Variants in ZNF385B observed in about 807,000 individuals in gnomAD.
ZNF385B encodes the protein zinc finger protein 385B, also known as zinc finger protein 533.
ZNF385B carries 23 observed loss-of-function variants against 39.2 expected under a neutral mutation model. The ratio of observed to expected loss-of-function variants is 0.59; its 90% CI spans 0.42 to 0.83. The LOEUF (loss-of-function observed/expected upper bound fraction) is 0.83. ZNF385B is among the 40% of genes least tolerant of loss of function. The pLI is 0.00. For missense variants in ZNF385B, 552 were observed against 598.9 expected (o/e 0.92, Z 0.82); for synonymous variants, 205 against 222.6 (o/e 0.92, Z 0.70).
intron 1 of ZNF385B, among the ~76,000 whole-genome samples, chr2:179,810,625 A>G (rs1706675189): frequency 6.6e-6 from 1 of 151,970 alleles, no homozygotes; most frequent in Non-Finnish European, 1.5e-5. Flanking sequence ...AATCACTACA[A>G]AATATCTTAT....
intron 1 of ZNF385B, among the ~76,000 whole-genome samples, chr2:179,816,985 G>T (rs1416991182): frequency 6.6e-6 from 1 of 151,864 alleles, no homozygotes; most frequent in Non-Finnish European, 1.5e-5. Flanking sequence ...CCCAAATGTT[G>T]CTTTCCAATC....
Position 179,443,223 on chromosome 2 carries a change from C to T in ZNF385B, c.*27G>A, listed in dbSNP as rs1322038789. The T allele has an allele frequency of 1.2e-6, 2 of 1,611,208 alleles. No individual in the cohort carries two copies. Among genetic ancestry groups the T allele is most frequent in the Admixed American group, 3.3e-5 (2 of 60,026 alleles). Reference sequence around the variant, plus strand: ...GCTTTCTTTCTCAACTTCCTACTGGCCTCAAACGTCTTGGGGTTTGCAGAC... The same window carrying T: ...GCTTTCTTTCTCAACTTCCTACTGGTCTCAAACGTCTTGGGGTTTGCAGAC... On this transcript the variant is annotated 3_prime_UTR_variant, in exon 10 of 10. Coordinates refer to ENST00000410066, the MANE Select transcript of ZNF385B (RefSeq NM_152520.6).
At chr2:179,736,718 C>T (rs1391622132) in intron 3 of ZNF385B, among the ~76,000 whole-genome samples, 1 of 152,028 alleles carries the variant, frequency 6.6e-6, no homozygotes, top group Non-Finnish European at 1.5e-5. Context: ...GTCTGTAATC[C>T]TAGCACTTTG....
intron 5 of ZNF385B, 86 bp from the exon 6 acceptor site, chr2:179,483,520 T>A: frequency 6.5e-7 from 1 of 1,545,014 alleles, no homozygotes; most frequent in South Asian, 1.2e-5. Flanking sequence ...ATACATTCTA[T>A]CATAGGCACC....
chr2:179,584,018 C>T, intron 3 of ZNF385B: 1 of 1,094,480 alleles, frequency 9.1e-7, no homozygotes, highest in Non-Finnish European at 1.3e-6. Context: ...TTGTTGTGTA[C>T]ACATTGTTGA....
At chr2:179,653,999 A>G (rs531809346) in intron 3 of ZNF385B, among the ~76,000 whole-genome samples, 7 of 152,312 alleles carry the variant, frequency 4.6e-5, no homozygotes, top group African/African-American at 1.4e-4. Context: ...GAGAAGGGTT[A>G]TGGGTCTGCC....
chr2:179,605,259 T>C (rs1044912256), intron 3 of ZNF385B, among the ~76,000 whole-genome samples: 3 of 152,128 alleles, frequency 2.0e-5, no homozygotes, highest in Non-Finnish European at 2.9e-5. Flanking sequence ...TTCAGTAAGA[T>C]TTACTTTCTG....
intron 3 of ZNF385B, among the ~76,000 whole-genome samples, chr2:179,581,496 A>G (rs532221902): frequency 1.3e-5 from 2 of 152,344 alleles, no homozygotes; most frequent in South Asian, 4.1e-4. Context: ...TGAGTGATTT[A>G]AAAGTCATAG....
chr2:179,704,123 T>C (rs73973682), intron 3 of ZNF385B, among the ~76,000 whole-genome samples: 303 of 152,314 alleles, frequency 2.0e-3, no homozygotes, highest in African/African-American at 6.8e-3. Context: ...TAGTAGCAAA[T>C]AAATATAAAC....
At chr2:179,646,565 T>C (rs1490315922) in intron 3 of ZNF385B, among the ~76,000 whole-genome samples, 1 of 152,236 alleles carries the variant, frequency 6.6e-6, no homozygotes, top group African/African-American at 2.4e-5. Flanking sequence ...GCTGACAGCC[T>C]GAGCCCTCAG....
chr2:179,475,672 A>AG (rs1371832075), intron 6 of ZNF385B, among the ~76,000 whole-genome samples: 1 of 11,866 alleles, frequency 8.4e-5, no homozygotes, highest in East Asian at 2.5e-3. Flanking sequence ...GTCAGGGAAG[A>AG]GGAACAGACT....
At chr2:179,850,880 A>G (rs1684085401) in intron 1 of ZNF385B, among the ~76,000 whole-genome samples, 1 of 152,156 alleles carries the variant, frequency 6.6e-6, no homozygotes. Context: ...AATCCATCCC[A>G]TGGAGGGATC....
chr2:179,835,511 G>A (rs554848114), intron 1 of ZNF385B, among the ~76,000 whole-genome samples: 1 of 152,066 alleles, frequency 6.6e-6, no homozygotes, highest in South Asian at 2.1e-4. Flanking sequence ...CTGGTGGTGG[G>A]GGGGCCAGGA....
intron 3 of ZNF385B, among the ~76,000 whole-genome samples, chr2:179,630,693 G>A (rs769081677): frequency 6.6e-5 from 10 of 152,192 alleles, no homozygotes; most frequent in Non-Finnish European, 1.3e-4. Context: ...ACGGAAGTAG[G>A]CTTCAGAAGG....
chr2:179,752,179 G>A (rs939518238), intron 3 of ZNF385B, among the ~76,000 whole-genome samples: 4 of 152,028 alleles, frequency 2.6e-5, no homozygotes, highest in Admixed American at 2.0e-4. Flanking sequence ...GTGAGAACAC[G>A]TGGTGTTTGC....
intron 3 of ZNF385B, among the ~76,000 whole-genome samples, chr2:179,614,306 T>C (rs1280131566): frequency 7.5e-6 from 1 of 133,008 alleles, no homozygotes; most frequent in Admixed American, 8.3e-5. Flanking sequence ...TCCACTTCTG[T>C]ATTTTTTTTC....
chr2:179,760,699 G>A (rs1262180404), intron 3 of ZNF385B, among the ~76,000 whole-genome samples: 1 of 152,082 alleles, frequency 6.6e-6, no homozygotes, highest in Non-Finnish European at 1.5e-5. Flanking sequence ...ATACAGGTGA[G>A]CTCTAAACCC....
chr2:179,592,510 G>T (rs144702696), intron 3 of ZNF385B, among the ~76,000 whole-genome samples: 96 of 152,142 alleles, frequency 6.3e-4, no homozygotes, highest in African/African-American at 2.1e-3. Flanking sequence ...ACTCCATGTC[G>T]TCTTTACCAC....
intron 1 of ZNF385B, among the ~76,000 whole-genome samples, chr2:179,808,772 G>A (rs888695179): frequency 6.6e-6 from 1 of 152,142 alleles, no homozygotes; most frequent in Admixed American, 6.5e-5. Flanking sequence ...TCCCTTTAGA[G>A]CCTTAACAAA....
Sources: allele counts gnomAD v4.1 joint callset (sites outside exome capture counted in the v4.1 genomes callset), GRCh38; gene constraint gnomAD v4.1.1; transcripts MANE v1.5; gene names NCBI Gene and HGNC (gene_info 2026-07-23, HGNC 2026-07-21).